LTBP1: variants seen among roughly 807,000 people sequenced by gnomAD.
The protein encoded by LTBP1 is latent transforming growth factor beta binding protein 1.
LTBP1 carries 129 observed loss-of-function variants against 207.6 expected under a neutral mutation model. That is an observed-to-expected ratio of 0.62 (90% CI 0.54 to 0.72). LTBP1 has a LOEUF of 0.72. Ranked by LOEUF, LTBP1 falls within the 30% of genes least tolerant of loss-of-function variation. The pLI is 0.00. For missense variants in LTBP1, 2,281 were observed against 2,217.2 expected (o/e 1.03, Z -0.58); for synonymous variants, 963 against 833.7 (o/e 1.16, Z -2.67).
chr2:33,177,587 G>A (rs570036347), intron 5 of LTBP1, among the ~76,000 whole-genome samples: 81 of 152,230 alleles, frequency 5.3e-4, no homozygotes, highest in Non-Finnish European at 1.1e-3. Context: ...AGAATGGCTT[G>A]AACTTGGGAG....
rs190589201 is a variant in LTBP1, at chr2:33,341,300, T to C, written c.3731-1538T>C. On this transcript the variant is annotated intron_variant, in intron 24 of 33. Coordinates refer to ENST00000404816, the MANE Select transcript of LTBP1 (RefSeq NM_206943.4). The stretch of plus-strand genomic sequence containing the variant: ...AATAACTGAAGATGTTGGAGAAGGA[T>C]GAGCAGGTGGGACCTTGAGGCAGAG... Among the ~76,000 whole-genome samples the C allele has an allele frequency of 7.2e-5, 11 of 152,022 alleles. No homozygotes were observed. The East Asian group carries it at 1.9e-3, about 27-fold the overall frequency.
chr2:33,162,134 C>T (rs1056832921), intron 5 of LTBP1, among the ~76,000 whole-genome samples: 1 of 152,196 alleles, frequency 6.6e-6, no homozygotes, highest in South Asian at 2.1e-4. Flanking sequence ...GTTGTATCAT[C>T]TTAACTACCT....
intron 18 of LTBP1, 32 bp from the exon 19 acceptor site, chr2:33,280,007 A>G: frequency 1.2e-6 from 2 of 1,610,586 alleles, no homozygotes; most frequent in East Asian, 4.5e-5. Flanking sequence ...ATTCTGATAA[A>G]ATGTTCACGA....
intron 15 of LTBP1, among the ~76,000 whole-genome samples, chr2:33,270,467 G>A (rs1399983186): frequency 6.6e-6 from 1 of 151,494 alleles, no homozygotes; most frequent in Non-Finnish European, 1.5e-5. Flanking sequence ...GCGGGTGCCT[G>A]TAGTCCCAGC....
intron 3 of LTBP1, among the ~76,000 whole-genome samples, chr2:33,073,696 A>G (rs2077922982): frequency 6.6e-6 from 1 of 151,798 alleles, no homozygotes; most frequent in South Asian, 2.1e-4. Flanking sequence ...ACACAATCTC[A>G]GCTAACTGTA....
chr2:33,363,265 T>C, intron 28 of LTBP1, 125 bp from the exon 29 acceptor site: 1 of 905,190 alleles, frequency 1.1e-6, no homozygotes, highest in Non-Finnish European at 1.6e-6. Flanking sequence ...TTGCTGTTTG[T>C]GTAGGATTCT....
intron 5 of LTBP1, among the ~76,000 whole-genome samples, chr2:33,146,952 T>C (rs1168695486): frequency 1.3e-5 from 2 of 152,218 alleles, no homozygotes; most frequent in Non-Finnish European, 2.9e-5. Flanking sequence ...AAGTTGTAGC[T>C]AATTGTGTGT....
At chr2:33,264,597 A>G (rs2093122524) in intron 15 of LTBP1, among the ~76,000 whole-genome samples, 1 of 152,228 alleles carries the variant, frequency 6.6e-6, no homozygotes, top group African/African-American at 2.4e-5. Flanking sequence ...GATAATTTGT[A>G]GGAAAAAACA....
At chr2:33,019,215 C>G (rs1688806221) in intron 2 of LTBP1, among the ~76,000 whole-genome samples, 1 of 150,678 alleles carries the variant, frequency 6.6e-6, no homozygotes, top group South Asian at 2.1e-4. Flanking sequence ...GAGCTGACAG[C>G]AACAGGGCAG....
chr2:33,113,462 C>T lies in LTBP1; in HGVS notation c.1033+2711C>T, dbSNP rs563001569. Among the ~76,000 whole-genome samples the T allele has an allele frequency of 6.6e-5, 10 of 152,292 alleles. No individual in the cohort carries two copies. The East Asian group carries it at 1.9e-3, about 29-fold the overall frequency. ...TTAATGTGTCAAACGCAGCACTCTC[C>T]AGATAAAACATTGTAGATAGAGAGA... On this transcript the variant is annotated intron_variant, in intron 4 of 33. Coordinates refer to ENST00000404816, the MANE Select transcript of LTBP1 (RefSeq NM_206943.4).
intron 7 of LTBP1, among the ~76,000 whole-genome samples, chr2:33,206,946 A>G (rs1334886891): frequency 6.6e-6 from 1 of 152,172 alleles, no homozygotes; most frequent in Non-Finnish European, 1.5e-5. Context: ...AGGATTTATC[A>G]CATGATTTGT....
chr2:33,259,748 C>A (rs1451127878), intron 13 of LTBP1, 138 bp downstream of exon 13: 2 of 674,762 alleles, frequency 3.0e-6, no homozygotes, highest in African/African-American at 1.9e-5. Flanking sequence ...ATATAGCATT[C>A]AGTTATTCCA....
chr2:33,251,398 C>T (rs573016633), intron 10 of LTBP1, among the ~76,000 whole-genome samples: 5 of 152,264 alleles, frequency 3.3e-5, no homozygotes, highest in African/African-American at 7.2e-5. Context: ...CGGTGGCTCA[C>T]GCCTGTAATC....
In LTBP1 at chr2:33,134,583, C is replaced by G; in HGVS notation, c.1034-210C>G. On this transcript the variant is annotated intron_variant, in intron 4 of 33. Coordinates refer to ENST00000404816, the MANE Select transcript of LTBP1 (RefSeq NM_206943.4). This position sits in a 1 kb window ranked among gnomAD's most constrained non-coding sequence, Gnocchi z 4.4. ...CCCAGAGTTCTGTTTGCTAAGCTTC[C>G]TACTCCTGTTTCAGAGACACCACTG... 6.5e-7 allele frequency: 1 copy of G among 1,537,234 alleles called. No individual in the cohort carries two copies. Among genetic ancestry groups the G allele is most frequent in the Non-Finnish European group, 8.8e-7 (1 of 1,139,738 alleles).
intron 2 of LTBP1, among the ~76,000 whole-genome samples, chr2:32,965,489 T>G (rs929837995): frequency 3.3e-5 from 5 of 152,160 alleles, no homozygotes; most frequent in African/African-American, 1.2e-4. Flanking sequence ...CATCCCTCCT[T>G]CCTGTCTAAA....
At chr2:33,354,445 T>G (rs1256365807) in intron 26 of LTBP1, among the ~76,000 whole-genome samples, 1 of 152,070 alleles carries the variant, frequency 6.6e-6, no homozygotes, top group African/African-American at 2.4e-5. Flanking sequence ...ACCATATATG[T>G]AGGTAAGGCT....
intron 2 of LTBP1, among the ~76,000 whole-genome samples, chr2:32,995,099 A>G (rs1253460072): frequency 6.6e-6 from 1 of 151,990 alleles, no homozygotes; most frequent in Non-Finnish European, 1.5e-5. Flanking sequence ...TAAGAGGATC[A>G]CTTGAGCTGA....
intron 24 of LTBP1, among the ~76,000 whole-genome samples, chr2:33,327,490 C>G (rs970183369): frequency 6.6e-6 from 1 of 152,022 alleles, no homozygotes; most frequent in Non-Finnish European, 1.5e-5. Context: ...TAGAGTGGGT[C>G]ATGTACAAAT....
intron 11 of LTBP1, among the ~76,000 whole-genome samples, chr2:33,256,785 C>G (rs1236821518): frequency 7.4e-5 from 7 of 93,986 alleles, no homozygotes; most frequent in Non-Finnish European, 6.1e-5. Flanking sequence ...TATAGTTACC[C>G]TCTGTATCCA....
Sources: allele counts gnomAD v4.1 joint callset (sites outside exome capture counted in the v4.1 genomes callset), GRCh38; gene constraint gnomAD v4.1.1; non-coding constraint Gnocchi (gnomAD v3.1); transcripts MANE v1.5; gene names NCBI Gene and HGNC (gene_info 2026-07-23, HGNC 2026-07-21).